MAST2: variants seen among roughly 807,000 people sequenced by gnomAD.
The protein encoded by MAST2 is microtubule associated serine/threonine kinase 2, also known as microtubule-associated serine/threonine-protein kinase 2.
A neutral mutation model predicts 147.4 loss-of-function variants in MAST2; 70 were observed. The observed-to-expected ratio is 0.47, with a 90% CI of 0.39 to 0.58. The LOEUF is 0.58. Ranked by LOEUF, MAST2 falls within the 20% of genes least tolerant of loss-of-function variation. The pLI is 0.00. For synonymous variants in MAST2, 869 were observed against 896.8 expected (o/e 0.97, Z 0.55); for missense variants, 2,080 against 2,302.3 (o/e 0.90, Z 1.98).
intron 1 of MAST2, among the ~76,000 whole-genome samples, chr1:45,823,043 T>G (rs1245304941): frequency 6.6e-6 from 1 of 152,160 alleles, no homozygotes; most frequent in Admixed American, 6.6e-5. Flanking sequence ...GAAATTGTCT[T>G]TTTCTTCTTT....
At chr1:45,867,676 C>T (rs1357245112) in intron 3 of MAST2, among the ~76,000 whole-genome samples, 2 of 152,022 alleles carry the variant, frequency 1.3e-5, no homozygotes, top group Non-Finnish European at 2.9e-5. Flanking sequence ...TAGCAGTGGA[C>T]GATGTGGAGG....
At chr1:45,993,689 A>T (rs2149130314) in intron 5 of MAST2, among the ~76,000 whole-genome samples, 1 of 152,242 alleles carries the variant, frequency 6.6e-6, no homozygotes, top group Non-Finnish European at 1.5e-5. Flanking sequence ...ATCTCAAAAA[A>T]AAATTTTTTT....
At chr1:45,891,133 A>G (rs527587888) in intron 4 of MAST2, among the ~76,000 whole-genome samples, 1 of 152,276 alleles carries the variant, frequency 6.6e-6, no homozygotes. Flanking sequence ...GAGTTTTTCC[A>G]TGGAGAGAAG....
intron 25 of MAST2, 30 bp downstream of exon 25, chr1:46,032,434 C>T (rs971922430): frequency 1.2e-6 from 2 of 1,609,818 alleles, no homozygotes; most frequent in Non-Finnish European, 8.5e-7. Context: ...CCTGCTGTCT[C>T]CCTGCTTCAT....
intron 5 of MAST2, among the ~76,000 whole-genome samples, chr1:45,982,400 A>G (rs1644447530): frequency 6.6e-6 from 1 of 152,220 alleles, no homozygotes; most frequent in Non-Finnish European, 1.5e-5. Flanking sequence ...CAAGAAAGAC[A>G]AACCACATTA....
At chr1:45,824,919 T>C (rs992958947) in intron 2 of MAST2, among the ~76,000 whole-genome samples, 1 of 152,246 alleles carries the variant, frequency 6.6e-6, no homozygotes, top group African/African-American at 2.4e-5. Flanking sequence ...CATAGTGGCC[T>C]CTACCGCCTT....
At chr1:45,812,212 T>C (rs528973804) in intron 1 of MAST2, among the ~76,000 whole-genome samples, 1 of 152,272 alleles carries the variant, frequency 6.6e-6, no homozygotes, top group South Asian at 2.1e-4. Context: ...TTGACCTCCT[T>C]TCCCTCTTAT....
chr1:45,936,792 T>C (rs532096216), intron 4 of MAST2, among the ~76,000 whole-genome samples: 1 of 152,262 alleles, frequency 6.6e-6, no homozygotes, highest in East Asian at 1.9e-4. Flanking sequence ...TCTTGTGGCC[T>C]CTAGACTGAA....
chr1:45,871,589 C>T (rs1646396523), intron 3 of MAST2, among the ~76,000 whole-genome samples: 1 of 152,148 alleles, frequency 6.6e-6, no homozygotes. Flanking sequence ...AAAGCCAGCC[C>T]CCTCTGCTTA....
At chr1:46,002,429 A>G (rs193011977) in intron 6 of MAST2, among the ~76,000 whole-genome samples, 3 of 152,206 alleles carry the variant, frequency 2.0e-5, no homozygotes, top group African/African-American at 7.2e-5. Context: ...CACAAATGGA[A>G]ATAGCTGCAT....
intron 4 of MAST2, among the ~76,000 whole-genome samples, chr1:45,893,062 A>C (rs1466743957): frequency 6.6e-6 from 1 of 152,158 alleles, no homozygotes. Flanking sequence ...GTCTGGAATA[A>C]GTCCTATACA....
rs755093221 is a variant in MAST2 at position 46,029,583 on chromosome 1, C to A, written c.2320+16C>A. 3 of 1,608,752 alleles carry A rather than the reference C, an allele frequency of 1.9e-6. No individual in the cohort carries two copies. Among genetic ancestry groups the A allele is most frequent in the Non-Finnish European group, 2.5e-6 (3 of 1,176,632 alleles). ...CTTGGCACAGGTAGGGCAGGCCCTG[C>A]TAACTTTTCTCACTACTTGGAAAAG... On this transcript the variant is annotated intron_variant, in intron 19 of 28. Transcript: ENST00000361297.
In MAST2 at chr1:46,027,779, G is replaced by A. The variant is rs760450045; in HGVS notation, c.1968G>A (p.Leu656=). ...MGHIKLTDFG[L]SKIGLMSLTT... ...ACATCAAGCTCACGGACTTTGGACTGTCCAAAATTGGCCTCATGAGTCTGA... is the reference window on the plus strand; with the variant it reads ...ACATCAAGCTCACGGACTTTGGACTATCCAAAATTGGCCTCATGAGTCTGA... Residue 656 remains leucine (L), a synonymous_variant, in exon 17 of 29, where the codon CTG becomes CTA. Transcript: ENST00000361297. 2 of 1,614,168 alleles carry A rather than the reference G, an allele frequency of 1.2e-6. No homozygotes were observed. Among genetic ancestry groups the A allele is most frequent in the South Asian group, 2.2e-5 (2 of 91,074 alleles).
At chr1:45,962,299 C>A (rs1660538866) in intron 5 of MAST2, among the ~76,000 whole-genome samples, 1 of 152,010 alleles carries the variant, frequency 6.6e-6, no homozygotes, top group African/African-American at 2.4e-5. Context: ...AATGGGATGG[C>A]TGGGTCAAAT....
intron 5 of MAST2, among the ~76,000 whole-genome samples, chr1:45,991,971 C>T (rs953406610): frequency 4.6e-5 from 7 of 152,144 alleles, no homozygotes; most frequent in African/African-American, 1.4e-4. Flanking sequence ...TCAAGTAATC[C>T]CCCCAACTCA....
chr1:45,915,574 G>A (rs1652367459), intron 4 of MAST2, among the ~76,000 whole-genome samples: 1 of 152,088 alleles, frequency 6.6e-6, no homozygotes. Context: ...GCCGGACGTG[G>A]TGGCGGGCGC....
intron 19 of MAST2, 44 bp downstream of exon 19, chr1:46,029,611 G>A: frequency 6.4e-7 from 1 of 1,573,972 alleles, no homozygotes; most frequent in Non-Finnish European, 8.7e-7. Flanking sequence ...TGGAAAAGGG[G>A]TAAGGGAGGC....
At chr1:45,979,504 A>AT (rs1644313713) in intron 5 of MAST2, among the ~76,000 whole-genome samples, 3 of 148,722 alleles carry the variant, frequency 2.0e-5, no homozygotes, top group South Asian at 4.2e-4. Flanking sequence ...CAATAATGTC[A>AT]TTTTTTCTGG....
chr1:46,029,301 C>A (rs1646541237), intron 18 of MAST2, 165 bp from the exon 19 acceptor site: 1 of 596,618 alleles, frequency 1.7e-6, no homozygotes. Context: ...AAGCTATGGT[C>A]TAGGAACCTA....
Sources: allele counts gnomAD v4.1 joint callset (sites outside exome capture counted in the v4.1 genomes callset), GRCh38; gene constraint gnomAD v4.1.1; transcripts MANE v1.5; gene names NCBI Gene and HGNC (gene_info 2026-07-23, HGNC 2026-07-21).